HAUS4: variants seen among roughly 807,000 people sequenced by gnomAD.
HAUS4 encodes HAUS augmin like complex subunit 4.
In HAUS4, 34 loss-of-function variants were observed where a neutral mutation model predicts 50.6. The ratio of observed to expected loss-of-function variants is 0.67; its 90% confidence interval spans 0.51 to 0.90. The LOEUF (loss-of-function observed/expected upper bound fraction) is 0.90. Ranked by LOEUF, HAUS4 falls within the 40% of genes least tolerant of loss-of-function variation. The pLI is 0.00. For synonymous variants in HAUS4, 149 were observed against 161.4 expected (o/e 0.92, Z 0.58); for missense variants, 370 against 428.7 (o/e 0.86, Z 1.21).
intron 7 of HAUS4, 38 bp downstream of exon 7, chr14:22,947,830 A>T (rs1226949299): frequency 6.2e-7 from 1 of 1,610,700 alleles, no homozygotes; most frequent in Non-Finnish European, 8.5e-7. Flanking sequence ...TCCTGGGGTC[A>T]GGATAAAGGA....
chr14:22,954,993 G>C (rs1206066762), intron 2 of HAUS4, 107 bp downstream of exon 2: 1 of 837,882 alleles, frequency 1.2e-6, no homozygotes, highest in African/African-American at 1.7e-5. Context: ...CCAAAGTGCT[G>C]GGATTACAGG....
At chr14:22,952,219 T>C (rs1443945048) in intron 4 of HAUS4, 109 bp downstream of exon 4, 16 of 817,206 alleles carry the variant, frequency 2.0e-5, no homozygotes, top group Non-Finnish European at 2.6e-5. Context: ...GGTCTTACCA[T>C]GTTGGCCAGG....
chr14:22,954,110 C>T (rs1033506024), intron 2 of HAUS4, among the ~76,000 whole-genome samples: 1 of 152,112 alleles, frequency 6.6e-6, no homozygotes, highest in Non-Finnish European at 1.5e-5. Flanking sequence ...GTTGAGTAAC[C>T]CATGTAGATA....
chr14:22,947,759 G>A (rs1566644986), intron 7 of HAUS4, 28 bp from the exon 8 acceptor site: 1 of 1,613,202 alleles, frequency 6.2e-7, no homozygotes, highest in Non-Finnish European at 8.5e-7. Flanking sequence ...GAAGAAGAGG[G>A]CATAAATAAA....
intron 6 of HAUS4, 146 bp from the exon 7 acceptor site, chr14:22,948,159 C>A: frequency 1.2e-6 from 1 of 842,030 alleles, no homozygotes; most frequent in Non-Finnish European, 1.8e-6. Flanking sequence ...AAAAATGGCC[C>A]CATTCTGGGC....
chr14:22,948,253 G>A (rs745442642), intron 6 of HAUS4: 51 of 485,730 alleles, frequency 1.0e-4, no homozygotes, highest in Non-Finnish European at 1.4e-4. Context: ...GTTCAAGACC[G>A]GCTTGGGCAA....
intron 5 of HAUS4, 66 bp from the exon 6 acceptor site, chr14:22,950,476 G>T: frequency 3.2e-6 from 3 of 927,436 alleles, no homozygotes; most frequent in South Asian, 2.7e-5. Context: ...CTCAGCCAAT[G>T]AATACATGAT....
chr14:22,951,630 A>G lies in HAUS4; in HGVS notation c.390T>C (p.Pro130=), dbSNP rs2044754006. The change falls in exon 5 of 10, where the codon CCT becomes CCC. Residue 130 remains proline (P), a synonymous_variant. Transcript: ENST00000541587. ...LVTELMRLLG[P]SQEREIPPLL... ...GTGGAGGTATCTCCCTCTCCTGGCTAGGACCTAAGAGCCGCATCAGTTCAG... is the reference window on the plus strand; with the variant it reads ...GTGGAGGTATCTCCCTCTCCTGGCTGGGACCTAAGAGCCGCATCAGTTCAG... 1 of 1,613,952 alleles carries G rather than the reference A, an allele frequency of 6.2e-7. No homozygotes were observed. The highest frequency in any genetic ancestry group is 8.5e-7 in the Non-Finnish European group (1 of 1,179,848).
rs182978508 is a variant in HAUS4, at chr14:22,948,455, G to C, written c.563-442C>G. 3.9e-4 allele frequency among the ~76,000 whole-genome samples: 38 copies of C among 98,432 alleles called. 1 individual carries two copies. Among genetic ancestry groups the C allele is most frequent in the Non-Finnish European group, 5.8e-4 (25 of 43,200 alleles). The allele number at this position is 98,432 out of a possible 152,430, so 64.6% of individuals were successfully genotyped here. A position where few individuals can be genotyped will look rare whatever the true frequency, so the allele number is the denominator to read the frequency against. ...ACAGAGTTTTTAAAAAAAAAAAAGCGGGGGGGGGGAGGGCATCTGGTTCTC... is the reference window on the plus strand; with the variant it reads ...ACAGAGTTTTTAAAAAAAAAAAAGCCGGGGGGGGGAGGGCATCTGGTTCTC... On this transcript the variant is annotated intron_variant, in intron 6 of 9. Coordinates refer to ENST00000541587, the MANE Select transcript of HAUS4 (RefSeq NM_001166269.2).
intron 5 of HAUS4, 123 bp from the exon 6 acceptor site, chr14:22,950,533 G>A: frequency 1.7e-6 from 1 of 598,736 alleles, no homozygotes; most frequent in East Asian, 2.8e-5. Context: ...AGACATCAGA[G>A]AGACTCATTT....
chr14:22,951,794 C>T lies in HAUS4; in HGVS notation c.331-105G>A, dbSNP rs903298188. 3.0e-6 allele frequency: 3 copies of T among 995,450 alleles called. 1 individual carries two copies. The highest frequency in any genetic ancestry group is 4.4e-6 in the Non-Finnish European group (3 of 680,254). 61.7% of individuals were successfully genotyped at this position (995,450 alleles called of 1,614,324 possible). A position where few individuals can be genotyped will look rare whatever the true frequency, so the allele number is the denominator to read the frequency against. On this transcript the variant is annotated intron_variant, in intron 4 of 9. Transcript: ENST00000541587. ...GTTTTTCACATATTTTCAAAGTCCT[C>T]AAATATATCATCCCCCCTCAGATAA...
Position 22,946,612 on chromosome 14 carries a change from G to A in HAUS4, c.1005C>T (p.Asp335=), listed in dbSNP as rs540346373. The change falls in exon 10 of 10, where the codon GAC becomes GAT. Residue 335 remains aspartate (D), a synonymous_variant. Transcript: ENST00000541587. ...NSYEVLGEEF[D]RLVKEYTVLK... ...GTACGGTGTACTCTTTCACCAGCCT[G>A]TCAAACTCCTCCCCAAGGACCTCAT... 6.8e-6 allele frequency: 11 copies of A among 1,613,820 alleles called. No homozygotes were observed. The highest frequency in any genetic ancestry group is 9.3e-6 in the Non-Finnish European group (11 of 1,179,920).
intron 2 of HAUS4, among the ~76,000 whole-genome samples, chr14:22,953,199 G>C (rs944466062): frequency 6.6e-6 from 1 of 151,900 alleles, no homozygotes; most frequent in African/African-American, 2.4e-5. Context: ...ACCCAGGCTG[G>C]AGTGCAGTGG....
intron 4 of HAUS4, 136 bp from the exon 5 acceptor site, chr14:22,951,825 C>T (rs1163187670): frequency 7.1e-6 from 5 of 706,260 alleles, no homozygotes; most frequent in Non-Finnish European, 1.2e-5. Flanking sequence ...GATAACTCAG[C>T]TGCGAGTGAC....
At chr14:22,953,087 T>C (rs540828306) in intron 2 of HAUS4, among the ~76,000 whole-genome samples, 1 of 152,192 alleles carries the variant, frequency 6.6e-6, no homozygotes. Flanking sequence ...GGATGTGATA[T>C]GTAGTCGCAT....
At chr14:22,953,310 T>TC (rs1025617040) in intron 2 of HAUS4, among the ~76,000 whole-genome samples, 1 of 148,194 alleles carries the variant, frequency 6.7e-6, no homozygotes, top group Non-Finnish European at 1.5e-5. Context: ...GACTGGCTAA[T>TC]TTTTTTTTTA....
chr14:22,947,786 G>A, intron 7 of HAUS4, 55 bp from the exon 8 acceptor site: 4 of 1,610,774 alleles, frequency 2.5e-6, no homozygotes, highest in Non-Finnish European at 3.4e-6. Flanking sequence ...AGAAAGGAGG[G>A]TAGATCAGGA....
chr14:22,951,623 C>A lies in HAUS4; in HGVS notation c.397G>T (p.Glu133Ter). ...CCCAGCAGTGGAGGTATCTCCCTCTCCTGGCTAGGACCTAAGAGCCGCATC... is the reference window on the plus strand; with the variant it reads ...CCCAGCAGTGGAGGTATCTCCCTCTACTGGCTAGGACCTAAGAGCCGCATC... Reference protein sequence around the residue: ...ELMRLLGPSQEREIPPLLGLE... With the variant: ...ELMRLLGPSQ The change falls in exon 5 of 10, where the codon GAG becomes TAG. Residue 133 changes from glutamate (E) to a stop codon, truncating the protein, a stop_gained. Transcript: ENST00000541587. LOFTEE classifies it high-confidence loss of function. 6.2e-7 allele frequency: 1 copy of A among 1,614,060 alleles called. No individual in the cohort carries two copies. Among genetic ancestry groups the A allele is most frequent in the Non-Finnish European group, 8.5e-7 (1 of 1,179,936 alleles).
chr14:22,951,403 G>T (rs879891347), intron 5 of HAUS4, 152 bp downstream of exon 5: 2 of 767,194 alleles, frequency 2.6e-6, no homozygotes, highest in Non-Finnish European at 4.3e-6. Context: ...GCTTTTACTT[G>T]CTCCTGTGTA....
Sources: gnomAD v4.1 joint callset for allele counts (sites outside exome capture counted in the v4.1 genomes callset) on GRCh38, gnomAD v4.1.1 for gene constraint, MANE v1.5 for transcripts, NCBI Gene and HGNC (gene_info 2026-07-23, HGNC 2026-07-21) for gene names.